The following TAGLN variants were observed in gnomAD, a reference collection of about 807,000 sequenced individuals.
TAGLN encodes the protein transgelin, also known as 22 kDa actin-binding protein.
Under a neutral mutation model 21.9 loss-of-function variants are expected in TAGLN, and 16 were observed. That is an observed-to-expected ratio of 0.73 (90% CI 0.49 to 1.11). TAGLN has a LOEUF of 1.11. Among genes scored for constraint, TAGLN ranks in the 50% least tolerant of loss-of-function variants. The probability of loss-of-function intolerance (pLI) is 0.00; values close to 1 mark genes in which losing one functional copy is unlikely to be tolerated. For synonymous variants in TAGLN, 96 were observed against 94.9 expected (o/e 1.01, Z -0.06); for missense variants, 248 against 263.2 (o/e 0.94, Z 0.40).
chr11:117,200,737 G>T (rs144994672), intron 1 of TAGLN, among the ~76,000 whole-genome samples: 1 of 152,184 alleles, frequency 6.6e-6, no homozygotes, highest in East Asian at 1.9e-4. Flanking sequence ...CTGCAGCGTT[G>T]TGTACCTGTC....
In TAGLN at chr11:117,205,492, T is replaced by A. The variant is rs115012960; in HGVS notation, c.*1133T>A. 1,030 of 234,180 alleles carry A rather than the reference T, an allele frequency of 4.4e-3. 11 individuals carry two copies. The highest frequency in any genetic ancestry group is 0.021 in the African/African-American group (962 of 45,486). The allele number at this position is 234,180 out of a possible 1,614,324, so 14.5% of individuals were successfully genotyped here. A position where few individuals can be genotyped will look rare whatever the true frequency, so the allele number is the denominator to read the frequency against. On this transcript the variant is annotated 3_prime_UTR_variant, in exon 5 of 5. Transcript: ENST00000392951. ...GAAGGAGCCAGGGGTTCATTCATGGTTGGTTTCTGATCAGGCATCTTGGGA... is the reference window on the plus strand; with the variant it reads ...GAAGGAGCCAGGGGTTCATTCATGGATGGTTTCTGATCAGGCATCTTGGGA...
intron 4 of TAGLN, 114 bp from the exon 5 acceptor site, chr11:117,204,098 GAAA>G (rs531348646): frequency 6.7e-7 from 1 of 1,486,942 alleles, no homozygotes; most frequent in Non-Finnish European, 9.1e-7. Context: ...CTAGATTAGG[GAAA>G]AAAAGTGCAA....
intron 1 of TAGLN, chr11:117,201,855 C>T (rs961912122): frequency 6.6e-6 from 1 of 152,368 alleles, no homozygotes; most frequent in Non-Finnish European, 1.5e-5. Flanking sequence ...GGGATGGGTT[C>T]GGCTTCCTTT....
rs752617745 is a variant in TAGLN at position 117,204,385 on chromosome 11, G to A, written c.*26G>A. 2.4e-5 allele frequency: 39 copies of A among 1,614,100 alleles called. No homozygotes were observed. Among genetic ancestry groups the A allele is most frequent in the African/African-American group, 1.6e-4 (12 of 75,060 alleles). On this transcript the variant is annotated 3_prime_UTR_variant, in exon 5 of 5. Transcript: ENST00000392951. Reference sequence around the variant, plus strand: ...AGCGGAGAGGGCTAGCCCTGAGCCCGGCCCTCCCCCAGCTCCTTGGCTGCA... The same window carrying A: ...AGCGGAGAGGGCTAGCCCTGAGCCCAGCCCTCCCCCAGCTCCTTGGCTGCA...
rs201002832 is a variant in TAGLN at position 117,204,306 on chromosome 11, G to T, written c.553G>T (p.Ala185Ser). Residue 185 changes from alanine to serine, a missense_variant, in exon 5 of 5, where the codon GCC becomes TCC. Ala to Ser is a moderately conservative substitution (Grantham distance 99, BLOSUM62 1). Transcript: ENST00000392951. ...IGLQMGSNRG[A>S]SQAGMTGYGR... ...CCTTCAGATGGGCAGCAACAGAGGG[G>T]CCTCCCAGGCCGGCATGACAGGCTA... The T allele has an allele frequency of 6.0e-5, 97 of 1,614,234 alleles. No homozygotes were observed. Among genetic ancestry groups the T allele is most frequent in the Non-Finnish European group, 1.4e-5 (16 of 1,180,044 alleles).
In TAGLN at chr11:117,206,178, C is replaced by T; in HGVS notation, c.*1819C>T. 6.2e-7 allele frequency: 1 copy of T among 1,613,918 alleles called. No individual in the cohort carries two copies. Among genetic ancestry groups the T allele is most frequent in the Non-Finnish European group, 8.5e-7 (1 of 1,179,882 alleles). Reference sequence around the variant, plus strand: ...CACTTCGTCTGGATCCTTGCTGCTGCAAAGTGGCACTGATTCTAGCTCTGT... The same window carrying T: ...CACTTCGTCTGGATCCTTGCTGCTGTAAAGTGGCACTGATTCTAGCTCTGT... On this transcript the variant is annotated 3_prime_UTR_variant, in exon 5 of 5. Transcript: ENST00000392951.
chr11:117,202,492 A>T (rs778108748), intron 1 of TAGLN: 1 of 152,262 alleles, frequency 6.6e-6, no homozygotes, highest in African/African-American at 2.4e-5. Flanking sequence ...CAAAGGCACC[A>T]GCTGGCTGTA....
chr11:117,203,754 T>C lies in TAGLN; in HGVS notation c.359-28T>C. The C allele has an allele frequency of 6.2e-7, 1 of 1,601,706 alleles. No homozygotes were observed. Among genetic ancestry groups the C allele is most frequent in the Non-Finnish European group, 8.6e-7 (1 of 1,169,504 alleles). The stretch of plus-strand genomic sequence containing the variant: ...AGTCTTGTTTATACGTTCTTGATGT[T>C]CATCTCCTCTCTCCTGTCTTCTCAC... On this transcript the variant is annotated intron_variant, in intron 3 of 4. Coordinates refer to ENST00000392951, the MANE Select transcript of TAGLN (RefSeq NM_003186.5). This position sits in a 1 kb window ranked among gnomAD's most constrained non-coding sequence, Gnocchi z 4.4.
intron 4 of TAGLN, 67 bp from the exon 5 acceptor site, chr11:117,204,148 G>C: frequency 2.5e-6 from 4 of 1,605,260 alleles, no homozygotes; most frequent in Non-Finnish European, 3.4e-6. Context: ...ACGTAACAGA[G>C]GGATCAGAAA....
At chr11:117,200,684 C>A (rs892443983) in intron 1 of TAGLN, among the ~76,000 whole-genome samples, 7 of 152,032 alleles carry the variant, frequency 4.6e-5, no homozygotes, top group Non-Finnish European at 1.0e-4. Context: ...TGTGCTTCAT[C>A]CCCCTCTGAC....
At chr11:117,204,096 G>C in intron 4 of TAGLN, 119 bp from the exon 5 acceptor site, 1 of 1,471,604 alleles carries the variant, frequency 6.8e-7, no homozygotes, top group Admixed American at 2.0e-5. Context: ...AGCTAGATTA[G>C]GGAAAAAAAG....
intron 1 of TAGLN, 25 bp from the exon 2 acceptor site, chr11:117,202,977 C>A: frequency 6.6e-7 from 1 of 1,522,944 alleles, no homozygotes; most frequent in African/African-American, 1.4e-5. Context: ...TCTGCCCCTC[C>A]CTCCTCCACC....
chr11:117,202,669 T>G, intron 1 of TAGLN: 1 of 169,056 alleles, frequency 5.9e-6, no homozygotes, highest in Non-Finnish European at 1.3e-5. Flanking sequence ...GCCATGTTCA[T>G]TTGTTACATA....
Position 117,204,767 on chromosome 11 carries a change from A to C in TAGLN, c.*408A>C. On this transcript the variant is annotated 3_prime_UTR_variant, in exon 5 of 5. Transcript: ENST00000392951. ...ATTTTTGGGGTTGGAACTCAAAAAA[A>C]AAAAAAAAAAATCAATCTTTTCTCA... 3.2e-6 allele frequency: 1 copy of C among 309,278 alleles called. No individual in the cohort carries two copies. The highest frequency in any genetic ancestry group is 3.6e-5 in the South Asian group (1 of 27,576). 19.2% of individuals were successfully genotyped at this position (309,278 alleles called of 1,614,324 possible).
In TAGLN at chr11:117,203,667, G is replaced by GACA. The variant is rs1415888445; in HGVS notation, c.359-112_359-110dup. On this transcript the variant is annotated intron_variant, in intron 3 of 4. Transcript: ENST00000392951. The surrounding 1 kb of genome is among the most constrained non-coding windows in gnomAD (Gnocchi z 4.4). ...ACTGAGAGGCCTCCCTTGAATTGGG[G>GACA]ACAACTCTTGGCCCTGGTTTGGCCA... 9 of 1,291,438 alleles carry GACA rather than the reference G, an allele frequency of 7.0e-6. No individual in the cohort carries two copies. Among genetic ancestry groups the GACA allele is most frequent in the East Asian group, 4.8e-5 (2 of 41,838 alleles). 80.0% of individuals were successfully genotyped at this position (1,291,438 alleles called of 1,614,324 possible).
intron 1 of TAGLN, among the ~76,000 whole-genome samples, chr11:117,200,524 T>G (rs777367968): frequency 1.3e-4 from 20 of 152,208 alleles, no homozygotes; most frequent in Middle Eastern, 3.4e-3. Context: ...GTAATCATCC[T>G]CCTCTCCCCC....
chr11:117,203,914 C>T lies in TAGLN; in HGVS notation c.461+30C>T, dbSNP rs199711558. The T allele has an allele frequency of 8.9e-5, 140 of 1,575,160 alleles. No homozygotes were observed. In the African/African-American group the frequency reaches 1.4e-3, roughly 16 times the overall value. On this transcript the variant is annotated intron_variant, in intron 4 of 4. Transcript: ENST00000392951. The surrounding 1 kb of genome is among the most constrained non-coding windows in gnomAD (Gnocchi z 4.4). ...GTGGCCCCCAGGGAGCTTGGGTCTC[C>T]GCATGGGGTGGGAGGTGGCTTGTTC...
At chr11:117,204,063 C>A in intron 4 of TAGLN, 152 bp from the exon 5 acceptor site, 1 of 1,228,614 alleles carries the variant, frequency 8.1e-7, no homozygotes, top group Non-Finnish European at 1.1e-6. Context: ...CTCCTGCGCT[C>A]AGTCTCCCTA....
At position 117,203,725 on chromosome 11, in the gene TAGLN, T is replaced by G; in HGVS notation, c.359-57T>G. The G allele has an allele frequency of 6.4e-7, 1 of 1,554,604 alleles. No individual in the cohort carries two copies. The highest frequency in any genetic ancestry group is 1.4e-5 in the African/African-American group (1 of 73,678). ...GTGAGAGACGGGGGCAGGCCCTGGC[T>G]TGGAGTCTTGTTTATACGTTCTTGA... On this transcript the variant is annotated intron_variant, in intron 3 of 4. Transcript: ENST00000392951. The surrounding 1 kb of genome is among the most constrained non-coding windows in gnomAD (Gnocchi z 4.4).
Sources: allele counts gnomAD v4.1 joint callset (sites outside exome capture counted in the v4.1 genomes callset), GRCh38; gene constraint gnomAD v4.1.1; non-coding constraint Gnocchi (gnomAD v3.1); transcripts MANE v1.5; gene names NCBI Gene and HGNC (gene_info 2026-07-23, HGNC 2026-07-21).